The following LYPD8 variants were observed in gnomAD, a reference collection of about 807,000 sequenced individuals.
The protein encoded by LYPD8 is ly6/PLAUR domain-containing protein 8.
LYPD8 carries 8 observed loss-of-function variants against 1.7 expected under a neutral mutation model. The ratio of observed to expected loss-of-function variants is 4.58; its 90% CI spans 2.69 to 8.27. LYPD8 has a LOEUF of 8.27. LYPD8 is among the 30% of genes most tolerant of loss of function. LYPD8 has a pLI of 0.00. For missense variants in LYPD8, 112 were observed against 102.3 expected (o/e 1.09, Z -0.41); for synonymous variants, 50 against 43.6 (o/e 1.15, Z -0.58).
intron 2 of LYPD8, among the ~76,000 whole-genome samples, chr1:248,753,686 TCACACACACACCACACACCC>T (rs1662874403): frequency 3.1e-5 from 2 of 63,706 alleles, no homozygotes; most frequent in East Asian, 1.2e-3. Flanking sequence ...ACACACCACA[TCACACACACACCACACACCC>T]CACACACACA....
intron 6 of LYPD8, among the ~76,000 whole-genome samples, chr1:248,740,679 C>T (rs782606441): frequency 6.8e-6 from 1 of 148,112 alleles, no homozygotes; most frequent in African/African-American, 2.7e-5. Context: ...TGAAGCAGGG[C>T]CGCAATTTGA....
At chr1:248,754,467 TATCACACACAC>T (rs1186125661) in intron 2 of LYPD8, among the ~76,000 whole-genome samples, 1 of 144,500 alleles carries the variant, frequency 6.9e-6, no homozygotes, top group Non-Finnish European at 1.5e-5. Context: ...ACACACACCA[TATCACACACAC>T]ATCACACACA....
chr1:248,751,113 G>T lies in LYPD8; in HGVS notation c.-32C>A, dbSNP rs1335908173. 2.5e-6 allele frequency: 1 copy of T among 398,462 alleles called. No homozygotes were observed. The highest frequency in any genetic ancestry group is 4.4e-6 in the Non-Finnish European group (1 of 226,080). The allele number at this position is 398,462 out of a possible 1,614,324, so 24.7% of individuals were successfully genotyped here. A position where few individuals can be genotyped will look rare whatever the true frequency, so the allele number is the denominator to read the frequency against. ...GGAGCTGACTTCTCCCAAGGATGGG[G>T]ACCACAGGGCCTCAAGCCTGAAAAG... On this transcript the variant is annotated 5_prime_UTR_variant, in exon 3 of 7. Coordinates refer to ENST00000590317, the MANE Select transcript of LYPD8 (RefSeq NM_001085474.2).
intron 6 of LYPD8, 130 bp downstream of exon 6, chr1:248,745,012 A>C: frequency 2.6e-6 from 1 of 392,082 alleles, no homozygotes; most frequent in Non-Finnish European, 4.5e-6. Flanking sequence ...GTATTTAAAG[A>C]CATTATGGCC....
chr1:248,752,510 A>ACC (rs1662815346), intron 2 of LYPD8, among the ~76,000 whole-genome samples: 1 of 136,842 alleles, frequency 7.3e-6, no homozygotes, highest in Admixed American at 7.2e-5. Flanking sequence ...ACACACACCA[A>ACC]ACANCCCACA....
chr1:248,743,293 C>G (rs1486353401), intron 6 of LYPD8, among the ~76,000 whole-genome samples: 1 of 152,072 alleles, frequency 6.6e-6, no homozygotes, highest in Admixed American at 6.5e-5. Flanking sequence ...GGCGAAACCC[C>G]ATCTGTACTA....
chr1:248,740,877 A>G (rs1220113673), intron 6 of LYPD8, among the ~76,000 whole-genome samples: 1 of 152,076 alleles, frequency 6.6e-6, no homozygotes, highest in Admixed American at 6.5e-5. Context: ...GCCTGTAATC[A>G]TGGTACTTTG....
intron 2 of LYPD8, among the ~76,000 whole-genome samples, chr1:248,753,035 ACCAC>A (rs1662844971): frequency 1.0e-5 from 1 of 96,698 alleles, no homozygotes; most frequent in Non-Finnish European, 2.0e-5. Context: ...CACCCCACAC[ACCAC>A]ACACACATCA....
At chr1:248,741,162 G>A (rs1440396058) in intron 6 of LYPD8, among the ~76,000 whole-genome samples, 3 of 152,218 alleles carry the variant, frequency 2.0e-5, no homozygotes, top group Non-Finnish European at 4.4e-5. Flanking sequence ...TGGAAAAGGA[G>A]TTAGAAACCT....
intron 2 of LYPD8, among the ~76,000 whole-genome samples, chr1:248,753,222 C>CCA (rs1159809794): frequency 3.2e-5 from 3 of 94,768 alleles, no homozygotes; most frequent in African/African-American, 4.6e-5. Context: ...ACACACCACA[C>CCA]CACACACACA....
chr1:248,739,520 A>G lies in LYPD8; in HGVS notation c.*91T>C, dbSNP rs1040417156. On this transcript the variant is annotated 3_prime_UTR_variant, in exon 7 of 7. Coordinates refer to ENST00000590317, the MANE Select transcript of LYPD8 (RefSeq NM_001085474.2). The surrounding 1 kb of genome is among the most constrained non-coding windows in gnomAD (Gnocchi z 4.3). ...CTTACTGGGCAGTTAAACGGGGCAG[A>G]GCAGGGAAAGAGGGTGTCAGCACCG... 1.2e-5 allele frequency: 19 copies of G among 1,521,912 alleles called. No homozygotes were observed. Among genetic ancestry groups the G allele is most frequent in the Non-Finnish European group, 1.7e-5 (19 of 1,129,106 alleles). The allele number at this position is 1,521,912 out of a possible 1,614,324, so 94.3% of individuals were successfully genotyped here. A position where few individuals can be genotyped will look rare whatever the true frequency, so the allele number is the denominator to read the frequency against.
chr1:248,746,394 G>T (rs1572154647), intron 5 of LYPD8, among the ~76,000 whole-genome samples: 1 of 152,180 alleles, frequency 6.6e-6, no homozygotes, highest in Non-Finnish European at 1.5e-5. Context: ...GTGCTGGTTT[G>T]CCCCATTTGT....
intron 4 of LYPD8, among the ~76,000 whole-genome samples, chr1:248,749,574 G>C (rs1213436895): frequency 6.6e-6 from 1 of 152,154 alleles, no homozygotes; most frequent in African/African-American, 2.4e-5. Context: ...GAGGGTGAGA[G>C]CAAGTGAGGG....
chr1:248,745,144 T>C lies in LYPD8; in HGVS notation c.473A>G (p.Asn158Ser). 2.5e-6 allele frequency: 1 copy of C among 398,542 alleles called. No individual in the cohort carries two copies. Among genetic ancestry groups the C allele is most frequent in the Non-Finnish European group, 4.4e-6 (1 of 226,040 alleles). 24.7% of individuals were successfully genotyped at this position (398,542 alleles called of 1,614,324 possible). A position where few individuals can be genotyped will look rare whatever the true frequency, so the allele number is the denominator to read the frequency against. ...GGAATTAGAACTCCAAGACTTACCA[T>C]TCTTAAGTTCTGCAACTAGAAAGAC... Reference protein sequence around the residue: ...QCVFLVAELKNDIESKSLVLK... With the variant: ...QCVFLVAELKSDIESKSLVLK... The change falls in exon 6 of 7, where the codon AAT becomes AGT. Residue 158 changes from asparagine (N) to serine (S), a missense_variant and splice_region_variant. By Grantham distance (46) the Asn-to-Ser change is conservative. Transcript: ENST00000590317.
chr1:248,746,149 C>A (rs1031050184), intron 5 of LYPD8, among the ~76,000 whole-genome samples: 1 of 152,144 alleles, frequency 6.6e-6, no homozygotes, highest in South Asian at 2.1e-4. Context: ...GTTATTTTGG[C>A]AAACTAGTTA....
chr1:248,754,099 A>T (rs1662886818), intron 2 of LYPD8, among the ~76,000 whole-genome samples: 1 of 124,394 alleles, frequency 8.0e-6, no homozygotes. Context: ...ACATACACAA[A>T]TACCACACCA....
Position 248,739,461 on chromosome 1 carries a change from GCTGTCGGCATTGC to G in LYPD8, c.*137_*149del. Reference sequence around the variant, plus strand: ...TGCTTTAATAATGAAGAACAAGGCAGCTGTCGGCATTGCCTGGAGACCTGTGACTCCCACTTAC... The same window carrying G: ...TGCTTTAATAATGAAGAACAAGGCAGCTGGAGACCTGTGACTCCCACTTAC... On this transcript the variant is annotated 3_prime_UTR_variant, in exon 7 of 7. Transcript: ENST00000590317. This position sits in a 1 kb window ranked among gnomAD's most constrained non-coding sequence, Gnocchi z 4.3. 2 of 1,018,566 alleles carry G rather than the reference GCTGTCGGCATTGC, an allele frequency of 2.0e-6. No individual in the cohort carries two copies. Among genetic ancestry groups the G allele is most frequent in the Non-Finnish European group, 1.4e-6 (1 of 706,856 alleles). 63.1% of individuals were successfully genotyped at this position (1,018,566 alleles called of 1,614,324 possible). A position where few individuals can be genotyped will look rare whatever the true frequency, so the allele number is the denominator to read the frequency against.
chr1:248,742,239 G>C (rs1195119385), intron 6 of LYPD8, among the ~76,000 whole-genome samples: 1 of 135,782 alleles, frequency 7.4e-6, no homozygotes, highest in Non-Finnish European at 1.6e-5. Context: ...TGGTGGGGAT[G>C]TTGGCAGCCG....
intron 2 of LYPD8, among the ~76,000 whole-genome samples, chr1:248,754,656 T>TA (rs1365284284): frequency 6.6e-6 from 1 of 152,106 alleles, no homozygotes; most frequent in Non-Finnish European, 1.5e-5. Flanking sequence ...CCTACCCTGA[T>TA]ACCCTGGTTG....
Sources: gnomAD v4.1 joint callset for allele counts (sites outside exome capture counted in the v4.1 genomes callset) on GRCh38, gnomAD v4.1.1 for gene constraint, Gnocchi (gnomAD v3.1) non-coding constraint, MANE v1.5 for transcripts, NCBI Gene and HGNC (gene_info 2026-07-23, HGNC 2026-07-21) for gene names.